Variants in PTPN4 observed in about 807,000 individuals in gnomAD.
PTPN4 encodes protein tyrosine phosphatase non-receptor type 4, also known as tyrosine-protein phosphatase non-receptor type 4.
A neutral mutation model predicts 135.5 loss-of-function variants in PTPN4; 49 were observed. That is an observed-to-expected ratio of 0.36 (90% CI 0.29 to 0.46). The LOEUF (loss-of-function observed/expected upper bound fraction) is 0.46, where lower values mean the gene tolerates loss of function less well. Ranked by LOEUF, PTPN4 falls within the 20% of genes least tolerant of loss-of-function variation. The pLI is 1.00. For missense variants in PTPN4, 860 were observed against 1,101.0 expected, an observed-to-expected ratio of 0.78 and a Z score of 3.10; for synonymous variants, 333 against 369.9, an observed-to-expected ratio of 0.90 and a Z score of 1.14.
intron 12 of PTPN4, among the ~76,000 whole-genome samples, chr2:119,922,307 C>G (rs1678749358): frequency 6.6e-6 from 1 of 151,432 alleles, no homozygotes; most frequent in South Asian, 2.1e-4. Context: ...GAAGATTGGC[C>G]TAGTATTGAC....
At position 119,955,269 on chromosome 2, in the gene PTPN4, A is replaced by G; in HGVS notation, c.1926A>G (p.Ser642=). ...AGGATGACCATTCCCTGCGGGAGTC[A>G]ATGATCCAGCTAGCTGAGGGGCTTA... The part of the protein sequence containing the change: ...VHQDDHSLRE[S]MIQLAEGLIT... Residue 642 remains serine (S), a synonymous_variant, in exon 20 of 27, where the codon TCA becomes TCG. Transcript: ENST00000263708. The G allele has an allele frequency of 1.2e-6, 2 of 1,613,778 alleles. No homozygotes were observed. The highest frequency in any genetic ancestry group is 1.7e-4 in the Middle Eastern group (1 of 6,060).
At chr2:119,916,057 A>C (rs1184085900) in intron 11 of PTPN4, 1 of 151,722 alleles carries the variant, frequency 6.6e-6, no homozygotes, top group Non-Finnish European at 1.5e-5. Context: ...AAAATTGGCC[A>C]GGTGTGATGA....
chr2:119,949,342 T>C (rs1348920673), intron 18 of PTPN4, among the ~76,000 whole-genome samples: 1 of 152,194 alleles, frequency 6.6e-6, no homozygotes, highest in East Asian at 1.9e-4. Flanking sequence ...AACCACAGTT[T>C]AGGCAATCGG....
intron 11 of PTPN4, chr2:119,916,321 A>C (rs1207313002): frequency 6.6e-6 from 1 of 152,072 alleles, no homozygotes; most frequent in Non-Finnish European, 1.5e-5. Flanking sequence ...CAATGAGCTG[A>C]TTGTGCCACT....
At chr2:119,975,861 C>G (rs1434506400) in intron 26 of PTPN4, among the ~76,000 whole-genome samples, 2 of 151,876 alleles carry the variant, frequency 1.3e-5, no homozygotes, top group Non-Finnish European at 2.9e-5. Flanking sequence ...TTACATTATT[C>G]CAAAGTATAA....
intron 1 of PTPN4, among the ~76,000 whole-genome samples, chr2:119,767,737 G>A (rs942199121): frequency 8.5e-5 from 13 of 152,170 alleles, no homozygotes; most frequent in African/African-American, 3.1e-4. Context: ...TGTGCAGACC[G>A]AGTGCATTGT....
At chr2:119,903,115 G>T (rs1678431356) in intron 10 of PTPN4, among the ~76,000 whole-genome samples, 2 of 152,092 alleles carry the variant, frequency 1.3e-5, no homozygotes, top group East Asian at 3.9e-4. Context: ...TTCACCCTGG[G>T]GAATGGGCAG....
At chr2:119,933,969 T>G (rs1678945160) in intron 14 of PTPN4, among the ~76,000 whole-genome samples, 1 of 152,178 alleles carries the variant, frequency 6.6e-6, no homozygotes, top group Non-Finnish European at 1.5e-5. Flanking sequence ...ATTTCTCCAT[T>G]TGTACCAGCA....
intron 15 of PTPN4, among the ~76,000 whole-genome samples, chr2:119,941,040 A>G (rs899863697): frequency 5.3e-5 from 8 of 152,120 alleles, no homozygotes; most frequent in African/African-American, 1.7e-4. Flanking sequence ...GTGTTTCACT[A>G]TGCTGCCTGG....
At chr2:119,938,769 G>A (rs1332918068) in intron 15 of PTPN4, among the ~76,000 whole-genome samples, 1 of 152,072 alleles carries the variant, frequency 6.6e-6, no homozygotes, top group Non-Finnish European at 1.5e-5. Flanking sequence ...GACAGGGGTG[G>A]GGGATGCTTA....
At chr2:119,776,484 A>G (rs1230516009) in intron 1 of PTPN4, among the ~76,000 whole-genome samples, 1 of 152,080 alleles carries the variant, frequency 6.6e-6, no homozygotes, top group East Asian at 1.9e-4. Flanking sequence ...CATAATGTAA[A>G]CATTTTAAGT....
At chr2:119,882,442 T>C (rs1309843128) in intron 7 of PTPN4, 61 bp from the exon 8 acceptor site, 4 of 1,387,152 alleles carry the variant, frequency 2.9e-6, no homozygotes, top group Non-Finnish European at 3.9e-6. Context: ...CATCGCTGAT[T>C]TGACTATAAT....
At chr2:119,805,593 A>G (rs1691453266) in intron 1 of PTPN4, among the ~76,000 whole-genome samples, 1 of 152,060 alleles carries the variant, frequency 6.6e-6, no homozygotes, top group South Asian at 2.1e-4. Context: ...ATGGTTGTAG[A>G]TGTGTGGTGA....
chr2:119,817,162 G>C (rs907890238), intron 2 of PTPN4, among the ~76,000 whole-genome samples: 15 of 152,106 alleles, frequency 9.9e-5, no homozygotes, highest in African/African-American at 3.6e-4. Flanking sequence ...GTATTGCCTA[G>C]GTTGTCTTCC....
chr2:119,940,424 CAT>C (rs1679043835), intron 15 of PTPN4, among the ~76,000 whole-genome samples: 1 of 152,132 alleles, frequency 6.6e-6, no homozygotes, highest in African/African-American at 2.4e-5. Context: ...TTAAATAAGA[CAT>C]GTTCTCTTGA....
intron 1 of PTPN4, among the ~76,000 whole-genome samples, chr2:119,777,261 TGCACATG>T (rs1247763707): frequency 6.6e-6 from 1 of 152,238 alleles, no homozygotes; most frequent in African/African-American, 2.4e-5. Context: ...AGATGGAGTA[TGCACATG>T]GCTCACTCTT....
At chr2:119,833,614 C>T (rs1574358976) in intron 2 of PTPN4, among the ~76,000 whole-genome samples, 1 of 152,088 alleles carries the variant, frequency 6.6e-6, no homozygotes, top group Non-Finnish European at 1.5e-5. Context: ...AGTGTTAACT[C>T]TGTGAATCAC....
chr2:119,818,577 C>CT (rs1316359045), intron 2 of PTPN4, among the ~76,000 whole-genome samples: 1 of 152,188 alleles, frequency 6.6e-6, no homozygotes, highest in Non-Finnish European at 1.5e-5. Context: ...TGCCCAGCCT[C>CT]TGTTTGTTTT....
intron 12 of PTPN4, among the ~76,000 whole-genome samples, chr2:119,921,531 C>A (rs547972351): frequency 6.6e-6 from 1 of 151,812 alleles, no homozygotes; most frequent in South Asian, 2.1e-4. Context: ...CTCAAAAGTT[C>A]AGTAGTAACA....
Sources: gnomAD v4.1 joint callset for allele counts (sites outside exome capture counted in the v4.1 genomes callset) on GRCh38, gnomAD v4.1.1 for gene constraint, MANE v1.5 for transcripts, NCBI Gene and HGNC (gene_info 2026-07-23, HGNC 2026-07-21) for gene names.